Variants in CENPC observed in about 807,000 individuals in gnomAD.
The protein encoded by CENPC is CENP-C 1.
CENPC carries 63 observed loss-of-function variants against 112.1 expected under a neutral mutation model. That is an observed-to-expected ratio of 0.56 (90% CI 0.46 to 0.69). CENPC has a LOEUF of 0.69. CENPC is among the 30% of genes least tolerant of loss of function. CENPC has a pLI of 0.00. For synonymous variants in CENPC, 333 were observed against 367.6 expected, an observed-to-expected ratio of 0.91 and a Z score of 1.08; for missense variants, 1,000 against 1,103.8, an observed-to-expected ratio of 0.91 and a Z score of 1.33.
chr4:67,500,153 T>A (rs1725551847), intron 12 of CENPC, among the ~76,000 whole-genome samples: 1 of 151,528 alleles, frequency 6.6e-6, no homozygotes. Context: ...AGACACAAGG[T>A]GAGCACATGC....
rs1725987744 is a variant in CENPC, at chr4:67,514,321, T to A, written c.1197A>T (p.Lys399Asn). ...CTGCATTCTTGGAATACATTTCATA[T>A]TTTGTAGATCTATAATTATTTACTG... ...GETVNNYRST[K>N]YEMYSKNAEK... is the part of the protein sequence containing the mutation. Residue 399 changes from lysine to asparagine, a missense_variant, in exon 8 of 19, where the codon AAA (lysine) becomes AAT (asparagine). Lys to Asn is a moderately conservative substitution (Grantham distance 94, BLOSUM62 0). Coordinates refer to ENST00000273853, the MANE Select transcript of CENPC (RefSeq NM_001812.4). 7 of 1,610,980 alleles carry A rather than the reference T, an allele frequency of 4.3e-6. No individual in the cohort carries two copies. Among genetic ancestry groups the A allele is most frequent in the Middle Eastern group, 3.3e-4 (2 of 6,050 alleles).
At position 67,506,829 on chromosome 4, in the gene CENPC, G is replaced by A; in HGVS notation, c.2010C>T (p.Asn670=). The A allele has an allele frequency of 6.2e-7, 1 of 1,611,214 alleles. No individual in the cohort carries two copies. The highest frequency in any genetic ancestry group is 8.5e-7 in the Non-Finnish European group (1 of 1,178,744). ...AAGTCTTATGCTCTCCAGAATCCAA[G>A]TTTGACTCTGTTGGTATATTACATG... ...GYTCNIPTES[N]LDSGEHKTSV... The change falls in exon 11 of 19, where the codon AAC becomes AAT. Residue 670 remains asparagine (N), a synonymous_variant. Transcript: ENST00000273853.
chr4:67,514,360 A>G lies in CENPC; in HGVS notation c.1158T>C (p.Ala386=), dbSNP rs1308282708. 2 of 1,613,104 alleles carry G rather than the reference A, an allele frequency of 1.2e-6. No individual in the cohort carries two copies. The highest frequency in any genetic ancestry group is 1.7e-6 in the Non-Finnish European group (2 of 1,179,430). Residue 386 remains alanine (A), a synonymous_variant, in exon 8 of 19, where the codon GCT becomes GCC. Transcript: ENST00000273853. ...SDKTVLDTSY[A]LIGETVNNYR... ...AATTATTTACTGTTTCACCTATCAA[A>G]GCATAACTTGTATCCAGTACTGTTT...
At chr4:67,512,286 C>A in intron 9 of CENPC, 116 bp downstream of exon 9, 2 of 699,840 alleles carry the variant, frequency 2.9e-6, no homozygotes, top group South Asian at 2.0e-5. Flanking sequence ...CTTTTGATGA[C>A]CCAATTTAAC....
intron 10 of CENPC, among the ~76,000 whole-genome samples, chr4:67,507,370 T>C (rs938025612): frequency 2.6e-5 from 4 of 152,200 alleles, no homozygotes; most frequent in South Asian, 2.1e-4. Flanking sequence ...ACTCCAAATA[T>C]ATGCAAACAA....
chr4:67,516,561 T>C (rs1369222102), intron 7 of CENPC, among the ~76,000 whole-genome samples: 1 of 152,018 alleles, frequency 6.6e-6, no homozygotes, highest in Non-Finnish European at 1.5e-5. Context: ...AATCTTATAA[T>C]GTAAAATAGC....
intron 5 of CENPC, among the ~76,000 whole-genome samples, chr4:67,530,376 A>C (rs563211844): frequency 6.6e-6 from 1 of 152,202 alleles, no homozygotes; most frequent in African/African-American, 2.4e-5. Flanking sequence ...AAATTATAAT[A>C]GCCTTTTCTG....
chr4:67,492,974 G>C lies in CENPC; in HGVS notation c.2314C>G (p.Leu772Val). Residue 772 changes from leucine to valine, a missense_variant, in exon 15 of 19, where the codon CTA (leucine) becomes GTA (valine). Physicochemically the swap from Leu to Val is conservative, Grantham distance 32. Transcript: ENST00000273853. ...PSGGFVISGV[L>V]SPDTISSKRK... ...TTAGACGATATTGTGTCTGGAGATA[G>C]TACTCCACTAATCACGAATCCTCCT... 6.5e-7 allele frequency: 1 copy of C among 1,534,848 alleles called. No homozygotes were observed. Among genetic ancestry groups the C allele is most frequent in the Non-Finnish European group, 8.7e-7 (1 of 1,142,922 alleles).
intron 5 of CENPC, among the ~76,000 whole-genome samples, chr4:67,521,277 CAAT>C (rs71667393): frequency 0.22 from 31,829 of 147,236 alleles, 4,088 homozygotes; most frequent in Middle Eastern, 0.38. Context: ...AATTATTTAA[CAAT>C]AAATTTTAAA....
At chr4:67,473,082 TTA>T (rs1724712160) in intron 18 of CENPC, among the ~76,000 whole-genome samples, 5 of 148,556 alleles carry the variant, frequency 3.4e-5, no homozygotes, top group African/African-American at 5.0e-5. Flanking sequence ...ATTTATTTAC[TTA>T]TTTTTTGTTT....
chr4:67,535,803 G>C (rs1726702034), intron 4 of CENPC, among the ~76,000 whole-genome samples: 1 of 151,944 alleles, frequency 6.6e-6, no homozygotes, highest in Admixed American at 6.6e-5. Flanking sequence ...ATAGTAGAAA[G>C]CCAATAAATA....
At chr4:67,532,280 C>T (rs985657083) in intron 4 of CENPC, among the ~76,000 whole-genome samples, 25 of 152,142 alleles carry the variant, frequency 1.6e-4, no homozygotes, top group African/African-American at 6.0e-4. Context: ...GAAATAGGAA[C>T]ACTTTTACAC....
chr4:67,484,673 A>G (rs62303195), intron 17 of CENPC, among the ~76,000 whole-genome samples: 32,793 of 152,232 alleles, frequency 0.22, 4,188 homozygotes, highest in Non-Finnish European at 0.29. Flanking sequence ...CTTGGTGCCA[A>G]AAAGGATGGG....
chr4:67,530,747 T>A lies in CENPC; in HGVS notation c.331+68A>T, dbSNP rs186161973. The A allele has an allele frequency of 9.0e-5, 63 of 700,922 alleles. No individual in the cohort carries two copies. The African/African-American group carries it at 1.1e-3, about 12-fold the overall frequency. The allele number at this position is 700,922 out of a possible 1,614,324, so 43.4% of individuals were successfully genotyped here. On this transcript the variant is annotated intron_variant, in intron 5 of 18. Transcript: ENST00000273853. ...TGACCTTCATACTCAAAGCAACACA[T>A]GCACCATTAGCGTTTCTCATTTTTT...
In CENPC at chr4:67,514,354, T is replaced by C. The variant is rs1426798553; in HGVS notation, c.1164A>G (p.Ile388Met). The change falls in exon 8 of 19, where the codon ATA (isoleucine) becomes ATG (methionine). Residue 388 changes from isoleucine (I) to methionine (M), a missense_variant. Coordinates refer to ENST00000273853, the MANE Select transcript of CENPC (RefSeq NM_001812.4). ...KTVLDTSYALIGETVNNYRST... is the reference protein window; with the variant it reads ...KTVLDTSYALMGETVNNYRST... The stretch of plus-strand genomic sequence containing the variant: ...ATCTATAATTATTTACTGTTTCACC[T>C]ATCAAAGCATAACTTGTATCCAGTA... 6.2e-7 allele frequency: 1 copy of C among 1,612,812 alleles called. No individual in the cohort carries two copies. Among genetic ancestry groups the C allele is most frequent in the East Asian group, 2.2e-5 (1 of 44,808 alleles).
intron 11 of CENPC, 93 bp downstream of exon 11, chr4:67,506,695 T>C (rs1214032705): frequency 2.8e-6 from 3 of 1,065,216 alleles, no homozygotes; most frequent in African/African-American, 3.3e-5. Context: ...TTTTTAAGCT[T>C]TTAACAAAAT....
intron 7 of CENPC, among the ~76,000 whole-genome samples, chr4:67,514,906 G>C (rs1726014288): frequency 6.6e-6 from 1 of 151,604 alleles, no homozygotes; most frequent in Admixed American, 6.6e-5. Context: ...TTTAGAGCTA[G>C]AAATCTAGAC....
At position 67,514,489 on chromosome 4, in the gene CENPC, A is replaced by C. The variant is rs1725996184; in HGVS notation, c.1029T>G (p.Gly343=). ...SPAESTALLQ[G]RKSREKHHNI... is the part of the protein sequence containing the mutation. ...TATGATGCTTTTCTCTTGACTTTCT[A>C]CCTTGAAGGAGTGCAGTGCTCTCAG... The change falls in exon 8 of 19, where the codon GGT becomes GGG. Residue 343 remains glycine (G), a synonymous_variant. Transcript: ENST00000273853. 6.2e-7 allele frequency: 1 copy of C among 1,613,360 alleles called. No individual in the cohort carries two copies. The highest frequency in any genetic ancestry group is 8.5e-7 in the Non-Finnish European group (1 of 1,179,776).
intron 17 of CENPC, among the ~76,000 whole-genome samples, chr4:67,486,018 C>A (rs1725084545): frequency 6.6e-6 from 1 of 152,036 alleles, no homozygotes; most frequent in South Asian, 2.1e-4. Flanking sequence ...ATTTTTATAA[C>A]TTAATAAGAC....
Sources: gnomAD v4.1 joint callset for allele counts (sites outside exome capture counted in the v4.1 genomes callset) on GRCh38, gnomAD v4.1.1 for gene constraint, MANE v1.5 for transcripts, NCBI Gene and HGNC (gene_info 2026-07-23, HGNC 2026-07-21) for gene names.